ADAMTSL1: variants seen among roughly 807,000 people sequenced by gnomAD.
The protein encoded by ADAMTSL1 is ADAMTS like 1.
A neutral mutation model predicts 201.8 loss-of-function variants in ADAMTSL1; 126 were observed. That is an observed-to-expected ratio of 0.62 (90% CI 0.54 to 0.72). The LOEUF (loss-of-function observed/expected upper bound fraction) is 0.72, where lower values mean the gene tolerates loss of function less well. Ranked by LOEUF, ADAMTSL1 falls within the 30% of genes least tolerant of loss-of-function variation. The pLI is 0.00. For synonymous variants in ADAMTSL1, 1,121 were observed against 903.4 expected, an observed-to-expected ratio of 1.24 and a Z score of -4.32; for missense variants, 2,679 against 2,277.8, an observed-to-expected ratio of 1.18 and a Z score of -3.59.
chr9:18,266,716 G>A (rs1366257253), intron 2 of ADAMTSL1, among the ~76,000 whole-genome samples: 1 of 152,086 alleles, frequency 6.6e-6, no homozygotes, highest in South Asian at 2.1e-4. Context: ...GGGCCCTATC[G>A]ATTAACCCCA....
At chr9:18,097,478 A>G (rs1297747830) in intron 1 of ADAMTSL1, among the ~76,000 whole-genome samples, 1 of 152,216 alleles carries the variant, frequency 6.6e-6, no homozygotes, top group Non-Finnish European at 1.5e-5. Flanking sequence ...ATTTAATTTT[A>G]TAAGAAACTT....
At chr9:18,095,571 T>C (rs2131828978) in intron 1 of ADAMTSL1, among the ~76,000 whole-genome samples, 1 of 152,016 alleles carries the variant, frequency 6.6e-6, no homozygotes, top group Non-Finnish European at 1.5e-5. Flanking sequence ...TACAGGCACA[T>C]GCCACCACGC....
intron 2 of ADAMTSL1, among the ~76,000 whole-genome samples, chr9:18,437,045 C>T (rs143637294): frequency 0.01 from 1,579 of 151,610 alleles, 20 homozygotes; most frequent in African/African-American, 0.026. Flanking sequence ...ATCAGCCAGT[C>T]ATTGGCTGTG....
intron 4 of ADAMTSL1, among the ~76,000 whole-genome samples, chr9:18,600,800 T>A (rs1824598917): frequency 6.6e-6 from 1 of 152,218 alleles, no homozygotes; most frequent in African/African-American, 2.4e-5. Context: ...TTTTAAAATC[T>A]AAAGAAACAA....
intron 2 of ADAMTSL1, among the ~76,000 whole-genome samples, chr9:18,446,830 A>T (rs1438438776): frequency 8.5e-5 from 13 of 152,234 alleles, no homozygotes; most frequent in African/African-American, 2.9e-4. Flanking sequence ...CTTGGACCAT[A>T]TCCAAAGAGA....
intron 1 of ADAMTSL1, among the ~76,000 whole-genome samples, chr9:17,937,339 T>C (rs1358861844): frequency 6.6e-6 from 1 of 151,956 alleles, no homozygotes. Flanking sequence ...TGATCAGCAA[T>C]CAGTACAGAG....
At chr9:17,980,963 C>G (rs1818667146) in intron 1 of ADAMTSL1, among the ~76,000 whole-genome samples, 1 of 152,130 alleles carries the variant, frequency 6.6e-6, no homozygotes, top group South Asian at 2.1e-4. Context: ...CTCTTGACAA[C>G]CAGCTTTTGG....
At chr9:18,379,921 C>T (rs1837477415) in intron 2 of ADAMTSL1, among the ~76,000 whole-genome samples, 1 of 152,182 alleles carries the variant, frequency 6.6e-6, no homozygotes, top group Non-Finnish European at 1.5e-5. Context: ...TTAAAGCCCC[C>T]CTTCCTGTTT....
At chr9:18,246,718 G>A (rs1831269228) in intron 2 of ADAMTSL1, among the ~76,000 whole-genome samples, 2 of 152,124 alleles carry the variant, frequency 1.3e-5, no homozygotes, top group Non-Finnish European at 2.9e-5. Flanking sequence ...TCTTCCATAT[G>A]TTTTAATATG....
At chr9:18,228,303 C>G (rs1045174097) in intron 2 of ADAMTSL1, among the ~76,000 whole-genome samples, 1 of 152,078 alleles carries the variant, frequency 6.6e-6, no homozygotes, top group Non-Finnish European at 1.5e-5. Flanking sequence ...CACTGAAGGA[C>G]CAGAACTCTA....
intron 2 of ADAMTSL1, among the ~76,000 whole-genome samples, chr9:18,354,474 A>G (rs1267796870): frequency 6.6e-6 from 1 of 152,242 alleles, no homozygotes; most frequent in African/African-American, 2.4e-5. Flanking sequence ...ACTTCTTTTT[A>G]TTTGAATTGA....
chr9:18,025,488 C>A (rs1222212518), intron 1 of ADAMTSL1, among the ~76,000 whole-genome samples: 1 of 151,928 alleles, frequency 6.6e-6, no homozygotes, highest in East Asian at 1.9e-4. Flanking sequence ...GCCAGTTATC[C>A]CAGCACCATT....
At chr9:18,401,533 C>T (rs1376843678) in intron 2 of ADAMTSL1, among the ~76,000 whole-genome samples, 3 of 152,204 alleles carry the variant, frequency 2.0e-5, no homozygotes, top group African/African-American at 7.2e-5. Context: ...AAGAGGCCTT[C>T]TCTGAAGCAT....
rs531628184 is a variant in ADAMTSL1, at chr9:17,924,806, T to C, written c.87+17884T>C. On this transcript the variant is annotated intron_variant, in intron 1 of 29. Transcript: ENST00000680146. ...GACATAGGCATGGGCAAGGACTTCA[T>C]GTCCAAAACACCAAAAGCAATGGCA... Among the ~76,000 whole-genome samples the C allele has an allele frequency of 6.6e-3, 580 of 88,494 alleles. 6 individuals carry two copies. The highest frequency in any genetic ancestry group is 0.024 in the African/African-American group (566 of 23,886). 58.1% of individuals were successfully genotyped at this position (88,494 alleles called of 152,430 possible). A position where few individuals can be genotyped will look rare whatever the true frequency, so the allele number is the denominator to read the frequency against.
At chr9:18,159,862 C>T (rs2132077897) in intron 1 of ADAMTSL1, among the ~76,000 whole-genome samples, 2 of 152,170 alleles carry the variant, frequency 1.3e-5, no homozygotes, top group Middle Eastern at 3.4e-3. Flanking sequence ...GAGTTTCTGA[C>T]TGCATCCCAA....
intron 15 of ADAMTSL1, chr9:18,723,305 T>G: frequency 1.8e-6 from 1 of 569,458 alleles, no homozygotes; most frequent in South Asian, 2.1e-5. Flanking sequence ...TATTTGCCAT[T>G]ATTTGAAAAA....
intron 2 of ADAMTSL1, among the ~76,000 whole-genome samples, chr9:18,389,864 A>ATGCCACAGAGAAGCACAATTTG (rs1028016281): frequency 6.6e-6 from 1 of 152,180 alleles, no homozygotes; most frequent in Non-Finnish European, 1.5e-5. Flanking sequence ...TATAGCTTAA[A>ATGCCACAGAGAAGCACAATTTG]TGCCACAGAG....
intron 2 of ADAMTSL1, among the ~76,000 whole-genome samples, chr9:18,210,729 C>G (rs1026845890): frequency 6.6e-6 from 1 of 151,460 alleles, no homozygotes; most frequent in African/African-American, 2.4e-5. Flanking sequence ...GCTCTGGCAG[C>G]TTAGAAGGGT....
intron 2 of ADAMTSL1, among the ~76,000 whole-genome samples, chr9:18,421,050 G>A (rs991885244): frequency 9.9e-5 from 15 of 152,232 alleles, no homozygotes; most frequent in African/African-American, 3.6e-4. Flanking sequence ...CATCAGCAAA[G>A]GTGAAAGTTG....
Sources: gnomAD v4.1 joint callset for allele counts (sites outside exome capture counted in the v4.1 genomes callset) on GRCh38, gnomAD v4.1.1 for gene constraint, MANE v1.5 for transcripts, NCBI Gene and HGNC (gene_info 2026-07-23, HGNC 2026-07-21) for gene names.